NCOA1: variants seen among roughly 807,000 people sequenced by gnomAD.
The protein encoded by NCOA1 is nuclear receptor coactivator 1.
In NCOA1, 35 loss-of-function variants were observed where a neutral mutation model predicts 150.9. That is an observed-to-expected ratio of 0.23 (90% CI 0.18 to 0.31). NCOA1 has a LOEUF of 0.31. Among genes scored for constraint, NCOA1 ranks in the 10% least tolerant of loss-of-function variants. The pLI, the probability that NCOA1 is intolerant of heterozygous loss-of-function variation, is 1.00. For missense variants in NCOA1, 1,491 were observed against 1,749.3 expected (o/e 0.85, Z 2.63); for synonymous variants, 590 against 630.0 (o/e 0.94, Z 0.95).
At chr2:24,665,119 A>G (rs948776937) in intron 5 of NCOA1, among the ~76,000 whole-genome samples, 8 of 152,156 alleles carry the variant, frequency 5.3e-5, no homozygotes, top group Admixed American at 6.5e-5. Flanking sequence ...TGTTTATTGC[A>G]TTTATAGGAA....
chr2:24,750,638 G>A (rs185816089), intron 19 of NCOA1, among the ~76,000 whole-genome samples: 1 of 152,274 alleles, frequency 6.6e-6, no homozygotes, highest in East Asian at 1.9e-4. Flanking sequence ...ATCTTTTAGA[G>A]ACAGAAAGTA....
At chr2:24,608,734 T>C (rs1271482660) in intron 3 of NCOA1, among the ~76,000 whole-genome samples, 1 of 145,706 alleles carries the variant, frequency 6.9e-6, no homozygotes, top group Non-Finnish European at 1.5e-5. Context: ...ATTTATATCC[T>C]ATATCCTCTT....
chr2:24,606,234 A>C (rs1052460720), intron 3 of NCOA1, among the ~76,000 whole-genome samples: 1 of 150,946 alleles, frequency 6.6e-6, no homozygotes, highest in Non-Finnish European at 1.5e-5. Context: ...TTTTATCATT[A>C]TTGTTATTAT....
Position 24,697,799 on chromosome 2 carries a change from G to A in NCOA1, c.949+1G>A. 1 of 1,612,220 alleles carries A rather than the reference G, an allele frequency of 6.2e-7. No homozygotes were observed. Among genetic ancestry groups the A allele is most frequent in the Non-Finnish European group, 8.5e-7 (1 of 1,179,006 alleles). On this transcript the variant is annotated splice_donor_variant, in intron 11 of 22. Transcript: ENST00000348332. LOFTEE classifies it high-confidence loss of function. ...TATGCCAGACAGCTGTTCCAAGAAG[G>A]TAAAATTTTCTCTCTCAATTATTTT...
chr2:24,581,763 C>T (rs983711661), intron 2 of NCOA1, among the ~76,000 whole-genome samples: 3 of 152,298 alleles, frequency 2.0e-5, no homozygotes, highest in Middle Eastern at 6.8e-3. Flanking sequence ...AAAGATCACA[C>T]ACCATGCCTA....
intron 1 of NCOA1, among the ~76,000 whole-genome samples, chr2:24,522,504 G>T (rs1664457171): frequency 6.6e-6 from 1 of 152,112 alleles, no homozygotes; most frequent in Non-Finnish European, 1.5e-5. Flanking sequence ...TCTGATAAGG[G>T]TACATGTTAG....
At chr2:24,520,266 T>C (rs1285918478) in intron 1 of NCOA1, among the ~76,000 whole-genome samples, 1 of 152,184 alleles carries the variant, frequency 6.6e-6, no homozygotes, top group African/African-American at 2.4e-5. Flanking sequence ...TTAAGATAAA[T>C]GAAAGCATAT....
At chr2:24,602,083 A>C (rs1668148673) in intron 3 of NCOA1, among the ~76,000 whole-genome samples, 1 of 152,160 alleles carries the variant, frequency 6.6e-6, no homozygotes, top group South Asian at 2.1e-4. Flanking sequence ...TTATAATTAA[A>C]ATTTAGGAAG....
intron 1 of NCOA1, among the ~76,000 whole-genome samples, chr2:24,535,279 T>C (rs1226268581): frequency 6.6e-6 from 1 of 151,854 alleles, no homozygotes; most frequent in African/African-American, 2.4e-5. Context: ...AACCCCTGCT[T>C]TTTTTTTGCT....
At chr2:24,641,351 T>C (rs1670208656) in intron 3 of NCOA1, among the ~76,000 whole-genome samples, 1 of 151,622 alleles carries the variant, frequency 6.6e-6, no homozygotes, top group South Asian at 2.1e-4. Context: ...TTAAAGAAAA[T>C]ACATACTTCT....
intron 14 of NCOA1, among the ~76,000 whole-genome samples, chr2:24,720,024 A>G (rs1348299564): frequency 6.6e-6 from 1 of 152,244 alleles, no homozygotes; most frequent in Non-Finnish European, 1.5e-5. Context: ...TTTTGATTTT[A>G]TAAAAAACTA....
At chr2:24,620,177 G>A (rs571217772) in intron 3 of NCOA1, among the ~76,000 whole-genome samples, 186 of 152,282 alleles carry the variant, frequency 1.2e-3, no homozygotes, top group South Asian at 6.0e-3. Context: ...CATGCCTTTG[G>A]GGAGACTCAG....
In NCOA1 at chr2:24,729,691, C is replaced by T. The variant is rs774981943; in HGVS notation, c.3077C>T (p.Thr1026Ile). 1.2e-6 allele frequency: 2 copies of T among 1,614,110 alleles called. No individual in the cohort carries two copies. The highest frequency in any genetic ancestry group is 1.7e-6 in the Non-Finnish European group (2 of 1,180,050). Reference sequence around the variant, plus strand: ...CTGGGGACGATGCCTGTTCAAGTAACACCTCCCCGAGGTGCTTTTTCACCT... The same window carrying T: ...CTGGGGACGATGCCTGTTCAAGTAATACCTCCCCGAGGTGCTTTTTCACCT... ...PSLGTMPVQV[T>I]PPRGAFSPGM... The change falls in exon 17 of 23, where the codon ACA becomes ATA. Residue 1026 changes from threonine to isoleucine, a missense_variant. By Grantham distance (89) the Thr-to-Ile change is moderately conservative. Coordinates refer to ENST00000348332, the MANE Select transcript of NCOA1 (RefSeq NM_003743.5).
At chr2:24,702,983 T>C (rs1673234701) in intron 11 of NCOA1, among the ~76,000 whole-genome samples, 1 of 152,208 alleles carries the variant, frequency 6.6e-6, no homozygotes, top group African/African-American at 2.4e-5. Flanking sequence ...GTCTAGGGAT[T>C]GACTATGTGT....
chr2:24,629,560 A>C (rs1442387910), intron 3 of NCOA1, among the ~76,000 whole-genome samples: 1 of 150,418 alleles, frequency 6.6e-6, no homozygotes, highest in Non-Finnish European at 1.5e-5. Context: ...TGAGATTTAA[A>C]AACAAAAAAA....
intron 1 of NCOA1, among the ~76,000 whole-genome samples, chr2:24,517,526 G>A (rs943541123): frequency 2.0e-5 from 3 of 152,078 alleles, no homozygotes; most frequent in Non-Finnish European, 4.4e-5. Context: ...GGGTGTTGTT[G>A]CCACTGTGAG....
chr2:24,646,316 C>T (rs1282968941), intron 4 of NCOA1, among the ~76,000 whole-genome samples: 2 of 152,048 alleles, frequency 1.3e-5, no homozygotes, highest in Non-Finnish European at 2.9e-5. Flanking sequence ...CAATGATGAA[C>T]CATTTGAGAA....
At position 24,718,563 on chromosome 2, in the gene NCOA1, G is replaced by A. The variant is rs1355010619; in HGVS notation, c.2599+7452G>A. Among the ~76,000 whole-genome samples, 4 of 151,890 alleles carry A rather than the reference G, an allele frequency of 2.6e-5. No homozygotes were observed. In the East Asian group the frequency reaches 7.7e-4, roughly 29 times the overall value. ...TAGCCCCAAACTGGGTGGGCGCGGT[G>A]GCTCACACCTGTAATCCCAACATTT... is the stretch of plus-strand genomic sequence containing the variant. On this transcript the variant is annotated intron_variant, in intron 14 of 22. Transcript: ENST00000348332.
At chr2:24,667,503 A>G (rs917901593) in intron 6 of NCOA1, among the ~76,000 whole-genome samples, 3 of 152,206 alleles carry the variant, frequency 2.0e-5, no homozygotes, top group Admixed American at 2.0e-4. Flanking sequence ...AAAAAAGGGA[A>G]CTCAGAGGAA....
Sources: allele counts gnomAD v4.1 joint callset (sites outside exome capture counted in the v4.1 genomes callset), GRCh38; gene constraint gnomAD v4.1.1; transcripts MANE v1.5; gene names NCBI Gene and HGNC (gene_info 2026-07-23, HGNC 2026-07-21).